KPNA1: variants seen among roughly 807,000 people sequenced by gnomAD.
KPNA1 encodes importin subunit alpha-5.
In KPNA1, 10 loss-of-function variants were observed where a neutral mutation model predicts 70.5. That is an observed-to-expected ratio of 0.14 (90% CI 0.09 to 0.24). The LOEUF (loss-of-function observed/expected upper bound fraction) is 0.24. KPNA1 is among the 10% of genes least tolerant of loss of function. The pLI is 1.00. For missense variants in KPNA1, 397 were observed against 637.9 expected (o/e 0.62, Z 4.07); for synonymous variants, 192 against 221.9 (o/e 0.87, Z 1.20).
At chr3:122,471,452 G>A (rs1173692008) in intron 2 of KPNA1, among the ~76,000 whole-genome samples, 2 of 152,156 alleles carry the variant, frequency 1.3e-5, no homozygotes, top group African/African-American at 2.4e-5. Context: ...AACAAGAACC[G>A]ACTGGATGTG....
intron 1 of KPNA1, among the ~76,000 whole-genome samples, chr3:122,501,663 G>A (rs1308898844): frequency 6.6e-6 from 1 of 152,126 alleles, no homozygotes; most frequent in Non-Finnish European, 1.5e-5. Flanking sequence ...CATATTTCCA[G>A]GATATACATA....
intron 10 of KPNA1, among the ~76,000 whole-genome samples, chr3:122,440,474 G>A (rs2076048144): frequency 6.6e-6 from 1 of 152,154 alleles, no homozygotes. Flanking sequence ...AACAAATATG[G>A]CAAAAGCATA....
intron 4 of KPNA1, 22 bp from the exon 5 acceptor site, chr3:122,461,340 G>T (rs1201720776): frequency 2.1e-6 from 3 of 1,444,534 alleles, no homozygotes; most frequent in Admixed American, 2.1e-5. Context: ...TAAAATAAAA[G>T]AAAAAAAAAA....
intron 1 of KPNA1, among the ~76,000 whole-genome samples, chr3:122,503,606 C>T (rs1356408075): frequency 6.6e-6 from 1 of 152,096 alleles, no homozygotes; most frequent in African/African-American, 2.4e-5. Flanking sequence ...ATAATGATAC[C>T]TCATAAGGTG....
chr3:122,433,440 G>C (rs2075941078), intron 12 of KPNA1, among the ~76,000 whole-genome samples: 1 of 152,168 alleles, frequency 6.6e-6, no homozygotes, highest in African/African-American at 2.4e-5. Flanking sequence ...AAAGAAATGG[G>C]AGAGTTATAA....
Position 122,467,448 on chromosome 3 carries a change from G to A in KPNA1, c.130-19C>T. On this transcript the variant is annotated intron_variant, in intron 2 of 13. Transcript: ENST00000344337. ...TGAATAACTGAAAGATAAAAGATTG[G>A]TAGCAATGTAAATGTAAATTCTAAC... The A allele has an allele frequency of 2.7e-6, 4 of 1,487,370 alleles. No homozygotes were observed. The highest frequency in any genetic ancestry group is 3.7e-6 in the Non-Finnish European group (4 of 1,070,066). The allele number at this position is 1,487,370 out of a possible 1,614,324, so 92.1% of individuals were successfully genotyped here.
At chr3:122,429,953 T>C (rs1483637150) in intron 12 of KPNA1, among the ~76,000 whole-genome samples, 1 of 152,166 alleles carries the variant, frequency 6.6e-6, no homozygotes, top group Non-Finnish European at 1.5e-5. Flanking sequence ...TTTTCATTCA[T>C]TCATTCATTC....
chr3:122,462,138 T>C (rs1450242664), intron 4 of KPNA1, among the ~76,000 whole-genome samples: 1 of 151,912 alleles, frequency 6.6e-6, no homozygotes, highest in Non-Finnish European at 1.5e-5. Flanking sequence ...AAAAACAAAT[T>C]TGATGATTAC....
At chr3:122,444,654 G>C (rs546185431) in intron 9 of KPNA1, among the ~76,000 whole-genome samples, 12 of 152,244 alleles carry the variant, frequency 7.9e-5, no homozygotes, top group African/African-American at 2.9e-4. Context: ...TCATACAGGC[G>C]GGTGCCCCTC....
At chr3:122,504,366 G>C (rs1264699481) in intron 1 of KPNA1, among the ~76,000 whole-genome samples, 1 of 152,062 alleles carries the variant, frequency 6.6e-6, no homozygotes, top group Non-Finnish European at 1.5e-5. Context: ...TCGTGTAAGG[G>C]CACTAATTCC....
intron 5 of KPNA1, chr3:122,460,699 T>G: frequency 2.1e-6 from 2 of 937,116 alleles, no homozygotes; most frequent in Non-Finnish European, 2.5e-6. Flanking sequence ...AATTTCCTCT[T>G]GGAATCCCTT....
At chr3:122,484,681 GA>G (rs1210579214) in intron 2 of KPNA1, among the ~76,000 whole-genome samples, 1 of 148,802 alleles carries the variant, frequency 6.7e-6, no homozygotes, top group African/African-American at 2.4e-5. Context: ...TAAAATAAAG[GA>G]AAGCAAAGGA....
intron 11 of KPNA1, among the ~76,000 whole-genome samples, 153 bp downstream of exon 11, chr3:122,437,017 T>C (rs1179946959): frequency 6.6e-6 from 1 of 152,240 alleles, no homozygotes; most frequent in Non-Finnish European, 1.5e-5. Context: ...TGACCGCAAG[T>C]GATCCACGGG....
chr3:122,444,150 C>T (rs1184767801), intron 9 of KPNA1, among the ~76,000 whole-genome samples: 2 of 147,628 alleles, frequency 1.4e-5, no homozygotes, highest in African/African-American at 2.4e-5. Context: ...TTCTCCTATT[C>T]GCTTTTGCAA....
intron 10 of KPNA1, 64 bp from the exon 11 acceptor site, chr3:122,437,359 G>T: frequency 8.2e-7 from 1 of 1,217,666 alleles, no homozygotes; most frequent in Non-Finnish European, 1.1e-6. Context: ...TTTAACTTAA[G>T]GAACACATTT....
Position 122,445,255 on chromosome 3 carries a change from T to A in KPNA1, c.918-3139A>T, listed in dbSNP as rs541856982. On this transcript the variant is annotated intron_variant, in intron 9 of 13. Transcript: ENST00000344337. The stretch of plus-strand genomic sequence containing the variant: ...ACCATGGCACAAGAACTTCGTGACG[T>A]ATGCACAAGCTTCAATAGCCGATTC... Among the ~76,000 whole-genome samples the A allele has an allele frequency of 3.9e-5, 6 of 152,228 alleles. No homozygotes were observed. In the South Asian group the frequency reaches 8.3e-4, roughly 21 times the overall value.
Position 122,508,412 on chromosome 3 carries a change from G to T in KPNA1, c.-6+6345C>A, listed in dbSNP as rs1182475817. Reference sequence around the variant, plus strand: ...TGGGCTCAAAATCAGAAGGTTTGTTGAAAGTCTACAAAACAGCCATCACAT... The same window carrying T: ...TGGGCTCAAAATCAGAAGGTTTGTTTAAAGTCTACAAAACAGCCATCACAT... On this transcript the variant is annotated intron_variant, in intron 1 of 13. Coordinates refer to ENST00000344337, the MANE Select transcript of KPNA1 (RefSeq NM_002264.4). Among the ~76,000 whole-genome samples, 5 of 152,124 alleles carry T rather than the reference G, an allele frequency of 3.3e-5. No homozygotes were observed. The East Asian group carries it at 9.6e-4, about 29-fold the overall frequency.
chr3:122,436,464 G>A (rs373501814), intron 11 of KPNA1, among the ~76,000 whole-genome samples: 16 of 152,304 alleles, frequency 1.1e-4, no homozygotes, highest in Admixed American at 5.9e-4. Flanking sequence ...ATCACGGAAC[G>A]TGCCGATATG....
chr3:122,431,319 A>G (rs934037003), intron 12 of KPNA1, among the ~76,000 whole-genome samples: 3 of 141,278 alleles, frequency 2.1e-5, no homozygotes, highest in Non-Finnish European at 4.8e-5. Context: ...GAGAACACCA[A>G]CACGCCCAGC....
Sources: allele counts gnomAD v4.1 joint callset (sites outside exome capture counted in the v4.1 genomes callset), GRCh38; gene constraint gnomAD v4.1.1; transcripts MANE v1.5; gene names NCBI Gene and HGNC (gene_info 2026-07-23, HGNC 2026-07-21).